ALPL: variants seen among roughly 807,000 people sequenced by gnomAD.
ALPL encodes alkaline phosphatase, tissue-nonspecific isozyme.
Under a neutral mutation model 51.3 loss-of-function variants are expected in ALPL, and 42 were observed. The ratio of observed to expected loss-of-function variants is 0.82; its 90% CI spans 0.64 to 1.06. The LOEUF is 1.06. ALPL is among the 50% of genes least tolerant of loss of function. The probability of loss-of-function intolerance (pLI) is 0.00; values close to 1 mark genes in which losing one functional copy is unlikely to be tolerated. For missense variants in ALPL, 589 were observed against 709.4 expected (o/e 0.83, Z 1.93); for synonymous variants, 279 against 296.4 (o/e 0.94, Z 0.60).
chr1:21,558,052 T>C (rs1006342028), intron 2 of ALPL, among the ~76,000 whole-genome samples: 2 of 152,264 alleles, frequency 1.3e-5, no homozygotes, highest in East Asian at 1.9e-4. Context: ...TATCATTTAG[T>C]AGTCTCCAAA....
At chr1:21,531,850 C>T (rs921077586) in intron 1 of ALPL, among the ~76,000 whole-genome samples, 1 of 152,226 alleles carries the variant, frequency 6.6e-6, no homozygotes, top group Admixed American at 6.5e-5. Flanking sequence ...ATTCTCTCCA[C>T]CCTAAAGACC....
Position 21,576,154 on chromosome 1 carries a change from C to T in ALPL, c.1189+230C>T, listed in dbSNP as rs550340932. ...GTGGGTGGATGGATGGCCACGTTGA[C>T]CATGGCTGGGCGAGAACGTGGATAG... On this transcript the variant is annotated intron_variant, in intron 10 of 11. Coordinates refer to ENST00000374840, the MANE Select transcript of ALPL (RefSeq NM_000478.6). Among the ~76,000 whole-genome samples the T allele has an allele frequency of 3.6e-4, 55 of 151,608 alleles. 1 individual carries two copies. In the South Asian group the frequency reaches 0.01, roughly 29 times the overall value.
In ALPL at chr1:21,542,696, C is replaced by T. The variant is rs144663859; in HGVS notation, c.-104-11282C>T. Among the ~76,000 whole-genome samples the T allele has an allele frequency of 5.5e-3, 831 of 152,156 alleles. 5 individuals carry two copies. Among genetic ancestry groups the T allele is most frequent in the African/African-American group, 0.018 (767 of 41,482 alleles). ...GTCTCTACTAAAAACAAAAATTAGCCGGGCATGGTGGTGGGCCTGCAATCC... is the reference window on the plus strand; with the variant it reads ...GTCTCTACTAAAAACAAAAATTAGCTGGGCATGGTGGTGGGCCTGCAATCC... On this transcript the variant is annotated intron_variant, in intron 1 of 11. Coordinates refer to ENST00000374840, the MANE Select transcript of ALPL (RefSeq NM_000478.6).
intron 1 of ALPL, among the ~76,000 whole-genome samples, chr1:21,513,628 T>C (rs1285651568): frequency 1.3e-5 from 2 of 152,172 alleles, no homozygotes; most frequent in Admixed American, 1.3e-4. Context: ...ATTTATAGCC[T>C]GCTGTGTGCT....
At chr1:21,541,853 T>C (rs529779876) in intron 1 of ALPL, among the ~76,000 whole-genome samples, 1 of 152,300 alleles carries the variant, frequency 6.6e-6, no homozygotes, top group East Asian at 1.9e-4. Context: ...AAAGATGCAG[T>C]GGCTTGGCAC....
intron 1 of ALPL, among the ~76,000 whole-genome samples, chr1:21,545,188 G>C (rs1644237499): frequency 6.6e-6 from 1 of 152,150 alleles, no homozygotes; most frequent in African/African-American, 2.4e-5. Context: ...GTTCAGCCTA[G>C]CAGTTTCTCT....
At chr1:21,576,730 C>A in intron 11 of ALPL, 89 bp downstream of exon 11, 1 of 1,564,020 alleles carries the variant, frequency 6.4e-7, no homozygotes, top group South Asian at 1.1e-5. Context: ...TGGTCAAGGT[C>A]AGGGGTCTCA....
At chr1:21,575,058 C>T (rs1488727248) in intron 9 of ALPL, among the ~76,000 whole-genome samples, 1 of 152,214 alleles carries the variant, frequency 6.6e-6, no homozygotes, top group African/African-American at 2.4e-5. Context: ...GGGGCGGAGG[C>T]TGCGAGGGTT....
intron 11 of ALPL, 86 bp downstream of exon 11, chr1:21,576,727 G>T: frequency 6.4e-7 from 1 of 1,572,302 alleles, no homozygotes; most frequent in Non-Finnish European, 8.7e-7. Context: ...TTGTGGTCAA[G>T]GTCAGGGGTC....
chr1:21,556,118 C>T lies in ALPL; in HGVS notation c.61+1976C>T, dbSNP rs533869078. Among the ~76,000 whole-genome samples the T allele has an allele frequency of 2.2e-4, 33 of 152,256 alleles. No individual in the cohort carries two copies. In the South Asian group the frequency reaches 4.1e-3, roughly 19 times the overall value. On this transcript the variant is annotated intron_variant, in intron 2 of 11. Coordinates refer to ENST00000374840, the MANE Select transcript of ALPL (RefSeq NM_000478.6). ...GGAGATTCACGCGGAAGTGTTTCCA[C>T]AGCATGGCATGGTGTTTTCAGGACA... is the stretch of plus-strand genomic sequence containing the variant.
chr1:21,576,522 G>A lies in ALPL; in HGVS notation c.1190G>A (p.Gly397Asp), dbSNP rs1400042777. ...CCCTGAACACCCCCTCCCTGTGCAG[G>A]TCTGGCCCCCATGCTGAGTGACACA... ...GYTPRGNSIFGLAPMLSDTDK... is the reference protein window; with the variant it reads ...GYTPRGNSIFDLAPMLSDTDK... The change falls in exon 11 of 12, where the codon GGT becomes GAT. Residue 397 changes from glycine (G) to aspartate (D), a missense_variant and splice_region_variant. Coordinates refer to ENST00000374840, the MANE Select transcript of ALPL (RefSeq NM_000478.6). 6.2e-7 allele frequency: 1 copy of A among 1,613,708 alleles called. No individual in the cohort carries two copies. Among genetic ancestry groups the A allele is most frequent in the Non-Finnish European group, 8.5e-7 (1 of 1,179,858 alleles).
chr1:21,568,659 G>A (rs1465585207), intron 7 of ALPL, among the ~76,000 whole-genome samples: 1 of 152,108 alleles, frequency 6.6e-6, no homozygotes, highest in Non-Finnish European at 1.5e-5. Context: ...ACAGGGAGGA[G>A]CCAAGAAGCT....
At position 21,577,788 on chromosome 1, in the gene ALPL, G is replaced by A. The variant is rs886426408; in HGVS notation, c.*140G>A. 11 of 1,145,016 alleles carry A rather than the reference G, an allele frequency of 9.6e-6. No individual in the cohort carries two copies. Among genetic ancestry groups the A allele is most frequent in the African/African-American group, 1.6e-5 (1 of 64,240 alleles). The allele number at this position is 1,145,016 out of a possible 1,614,324, so 70.9% of individuals were successfully genotyped here. A position where few individuals can be genotyped will look rare whatever the true frequency, so the allele number is the denominator to read the frequency against. ...AAGGGGACCCAAGAAACCAAAGTCT[G>A]CCGCCCACCTCGCTCCCCTCTGGAA... On this transcript the variant is annotated 3_prime_UTR_variant, in exon 12 of 12. Coordinates refer to ENST00000374840, the MANE Select transcript of ALPL (RefSeq NM_000478.6).
intron 1 of ALPL, among the ~76,000 whole-genome samples, chr1:21,532,851 G>A (rs972598328): frequency 5.9e-5 from 9 of 152,312 alleles, no homozygotes; most frequent in Admixed American, 6.5e-5. Context: ...ATAGGGTTCT[G>A]GAGTCAGGAC....
At chr1:21,562,173 T>C (rs1021192219) in intron 4 of ALPL, among the ~76,000 whole-genome samples, 11 of 152,232 alleles carry the variant, frequency 7.2e-5, no homozygotes, top group Admixed American at 3.3e-4. Context: ...CAGTAGTCTT[T>C]TAAGTGTGGG....
chr1:21,563,266 C>T lies in ALPL; in HGVS notation c.454C>T (p.Arg152Cys), dbSNP rs200621180. 1.2e-5 allele frequency: 20 copies of T among 1,612,242 alleles called. No homozygotes were observed. Among genetic ancestry groups the T allele is most frequent in the East Asian group, 6.7e-5 (3 of 44,872 alleles). The change falls in exon 5 of 12, where the codon CGC becomes TGC. Residue 152 changes from arginine (R) to cysteine (C), a missense_variant. Arg to Cys is a radical substitution (Grantham distance 180). Transcript: ENST00000374840. ...GGGGAACGAGGTCACCTCCATCCTG[C>T]GCTGGGCCAAGGACGCTGGTGAGTC... ...TQGNEVTSIL[R>C]WAKDAGKSVG...
At chr1:21,534,443 C>G (rs939610206) in intron 1 of ALPL, among the ~76,000 whole-genome samples, 1 of 152,148 alleles carries the variant, frequency 6.6e-6, no homozygotes, top group Non-Finnish European at 1.5e-5. Context: ...GCCACAGGGG[C>G]TCTGGGAAAG....
intron 2 of ALPL, among the ~76,000 whole-genome samples, chr1:21,559,357 G>A (rs978880664): frequency 1.3e-5 from 2 of 152,212 alleles, no homozygotes; most frequent in Non-Finnish European, 2.9e-5. Flanking sequence ...GGGGATGGGA[G>A]GCAACTTTTG....
At chr1:21,536,250 C>T (rs559867770) in intron 1 of ALPL, among the ~76,000 whole-genome samples, 1 of 152,344 alleles carries the variant, frequency 6.6e-6, no homozygotes, top group East Asian at 1.9e-4. Flanking sequence ...GGAAGTTGGA[C>T]TCTTACATTA....
Sources: gnomAD v4.1 joint callset for allele counts (sites outside exome capture counted in the v4.1 genomes callset) on GRCh38, gnomAD v4.1.1 for gene constraint, MANE v1.5 for transcripts, NCBI Gene and HGNC (gene_info 2026-07-23, HGNC 2026-07-21) for gene names.